Variants in TNNI3K observed in about 807,000 individuals in gnomAD.
TNNI3K encodes the protein TNNI3 interacting kinase.
TNNI3K carries 140 observed loss-of-function variants against 114.5 expected under a neutral mutation model. That is an observed-to-expected ratio of 1.22 (90% CI 1.07 to 1.41). The LOEUF (loss-of-function observed/expected upper bound fraction) is 1.41. TNNI3K is among the 40% of genes most tolerant of loss of function. TNNI3K has a pLI of 0.00. For synonymous variants in TNNI3K, 347 were observed against 347.5 expected (o/e 1.00, Z 0.02); for missense variants, 1,125 against 1,007.6 (o/e 1.12, Z -1.58).
intron 5 of TNNI3K, among the ~76,000 whole-genome samples, chr1:74,282,411 A>G (rs1252621919): frequency 6.6e-6 from 1 of 151,792 alleles, no homozygotes; most frequent in East Asian, 2.0e-4. Context: ...TTGCAGATGC[A>G]TTCGCTGTAT....
chr1:74,346,848 C>G (rs984272030), intron 9 of TNNI3K, among the ~76,000 whole-genome samples: 4 of 151,600 alleles, frequency 2.6e-5, no homozygotes, highest in African/African-American at 7.3e-5. Context: ...AGATGGCTGC[C>G]TTCTTGCTGT....
intron 4 of TNNI3K, among the ~76,000 whole-genome samples, chr1:74,263,662 A>C (rs1655804352): frequency 6.6e-6 from 1 of 151,930 alleles, no homozygotes; most frequent in African/African-American, 2.4e-5. Flanking sequence ...AAATACAGTT[A>C]GGGAAATGGA....
chr1:74,361,949 T>G (rs769494552), intron 11 of TNNI3K, among the ~76,000 whole-genome samples: 3 of 152,116 alleles, frequency 2.0e-5, no homozygotes, highest in Non-Finnish European at 4.4e-5. Flanking sequence ...AAAGGACCAG[T>G]GACATCCTTA....
intron 17 of TNNI3K, among the ~76,000 whole-genome samples, chr1:74,424,550 C>T (rs1032983342): frequency 6.6e-6 from 1 of 151,830 alleles, no homozygotes; most frequent in Non-Finnish European, 1.5e-5. Context: ...GAAACCCCAT[C>T]TCTAATAAAA....
chr1:74,296,514 A>G (rs6684409), intron 5 of TNNI3K, among the ~76,000 whole-genome samples: 92,036 of 151,894 alleles, frequency 0.61, 31,267 homozygotes, highest in East Asian at 0.82. Flanking sequence ...ATAGCTATTT[A>G]TTCCATTCTG....
intron 23 of TNNI3K, among the ~76,000 whole-genome samples, chr1:74,502,655 C>G (rs1490626076): frequency 6.6e-6 from 1 of 152,196 alleles, no homozygotes; most frequent in Non-Finnish European, 1.5e-5. Context: ...GTGGAACATA[C>G]TTCCCTCTGT....
intron 17 of TNNI3K, among the ~76,000 whole-genome samples, chr1:74,386,507 G>GA (rs1553139849): frequency 2.0e-5 from 3 of 151,812 alleles, no homozygotes; most frequent in Admixed American, 6.6e-5. Context: ...CAGTAACTCA[G>GA]AAAAAATACA....
At chr1:74,253,441 G>A (rs1482101631) in intron 4 of TNNI3K, among the ~76,000 whole-genome samples, 2 of 152,114 alleles carry the variant, frequency 1.3e-5, no homozygotes, top group African/African-American at 4.8e-5. Flanking sequence ...CAGGGGGTCG[G>A]GGGGAAGCTC....
intron 23 of TNNI3K, among the ~76,000 whole-genome samples, chr1:74,499,232 C>T (rs1316717754): frequency 6.6e-6 from 1 of 152,180 alleles, no homozygotes; most frequent in Non-Finnish European, 1.5e-5. Flanking sequence ...TAGAATTTTT[C>T]CTTGGCTCAA....
rs142000213 is a variant in TNNI3K at position 74,367,335 on chromosome 1, T to C, written c.1257T>C (p.Pro419=). ...TGCCCTGTAATGAATATTCTCAGCC[T>C]GGAGGAGGTACCCCTTTTCTTATTC... The part of the protein sequence containing the change: ...DELPCNEYSQ[P]GGDGSYVSVP... The change falls in exon 12 of 25, where the codon CCT becomes CCC. Residue 419 remains proline (P), a synonymous_variant. Coordinates refer to ENST00000326637, the MANE Select transcript of TNNI3K (RefSeq NM_015978.3). The C allele has an allele frequency of 6.8e-6, 11 of 1,611,944 alleles. No individual in the cohort carries two copies. Among genetic ancestry groups the C allele is most frequent in the Non-Finnish European group, 9.3e-6 (11 of 1,178,660 alleles).
chr1:74,332,763 T>C (rs1660272905), intron 6 of TNNI3K, among the ~76,000 whole-genome samples: 1 of 152,104 alleles, frequency 6.6e-6, no homozygotes, highest in Admixed American at 6.6e-5. Flanking sequence ...CCTCTTCTTA[T>C]TCTTCTTCAA....
At chr1:74,515,048 C>A (rs1243493774) in intron 23 of TNNI3K, among the ~76,000 whole-genome samples, 1 of 152,144 alleles carries the variant, frequency 6.6e-6, no homozygotes, top group Non-Finnish European at 1.5e-5. Flanking sequence ...GTAGCCCTCA[C>A]CAGAAACTAG....
At chr1:74,498,302 C>T (rs1041793573) in intron 23 of TNNI3K, among the ~76,000 whole-genome samples, 5 of 152,170 alleles carry the variant, frequency 3.3e-5, no homozygotes, top group Non-Finnish European at 5.9e-5. Flanking sequence ...TTATCTCAAT[C>T]AGCGTAATCA....
chr1:74,426,965 A>T (rs1018865400), intron 17 of TNNI3K, among the ~76,000 whole-genome samples: 1 of 152,120 alleles, frequency 6.6e-6, no homozygotes, highest in African/African-American at 2.4e-5. Context: ...ATGATTCATT[A>T]GGTGGCCTTG....
intron 23 of TNNI3K, among the ~76,000 whole-genome samples, chr1:74,539,415 G>A (rs143808736): frequency 1.1e-3 from 162 of 152,250 alleles, no homozygotes; most frequent in African/African-American, 3.6e-3. Context: ...ATGCTAGAGA[G>A]ATTATAGATA....
chr1:74,458,177 A>G (rs1403392381), intron 20 of TNNI3K, among the ~76,000 whole-genome samples: 1 of 152,144 alleles, frequency 6.6e-6, no homozygotes, highest in Admixed American at 6.6e-5. Flanking sequence ...CCTGTGGGTT[A>G]AGTTCTTTTA....
chr1:74,249,455 T>C lies in TNNI3K; in HGVS notation c.150-4T>C, dbSNP rs750231167. Reference sequence around the variant, plus strand: ...TGTGATCATCTGTAACATGTTTTTTTCAGCTCTGATGAAGCCTTCAGTAAA... The same window carrying C: ...TGTGATCATCTGTAACATGTTTTTTCCAGCTCTGATGAAGCCTTCAGTAAA... On this transcript the variant is annotated splice_polypyrimidine_tract_variant and splice_region_variant and intron_variant, in intron 2 of 24. Coordinates refer to ENST00000326637, the MANE Select transcript of TNNI3K (RefSeq NM_015978.3). 1.9e-6 allele frequency: 3 copies of C among 1,610,922 alleles called. No individual in the cohort carries two copies. The highest frequency in any genetic ancestry group is 2.2e-5 in the East Asian group (1 of 44,754).
chr1:74,481,189 T>C (rs1668483436), intron 21 of TNNI3K, among the ~76,000 whole-genome samples: 1 of 152,194 alleles, frequency 6.6e-6, no homozygotes, highest in African/African-American at 2.4e-5. Flanking sequence ...TGCTGTGACA[T>C]GTTTGTTTGA....
intron 17 of TNNI3K, among the ~76,000 whole-genome samples, chr1:74,403,505 G>A (rs1011041013): frequency 1.3e-5 from 2 of 151,944 alleles, no homozygotes. Context: ...CATAAAGTGG[G>A]GTTCAATAGA....
Sources: allele counts gnomAD v4.1 joint callset (sites outside exome capture counted in the v4.1 genomes callset), GRCh38; gene constraint gnomAD v4.1.1; transcripts MANE v1.5; gene names NCBI Gene and HGNC (gene_info 2026-07-23, HGNC 2026-07-21).